Variants in PRKG1 observed in about 807,000 individuals in gnomAD.
PRKG1 encodes cGMP-dependent protein kinase 1.
Under a neutral mutation model 88.1 loss-of-function variants are expected in PRKG1, and 35 were observed. The observed-to-expected ratio is 0.40, with a 90% CI of 0.30 to 0.53. PRKG1 has a LOEUF of 0.53. Among genes scored for constraint, PRKG1 ranks in the 20% least tolerant of loss-of-function variants. The pLI is 0.59. For synonymous variants in PRKG1, 303 were observed against 292.5 expected (o/e 1.04, Z -0.37); for missense variants, 540 against 839.8 (o/e 0.64, Z 4.41).
Position 51,235,590 on chromosome 10 carries a change from A to C in PRKG1, c.478+82260A>C, listed in dbSNP as rs557692352. Among the ~76,000 whole-genome samples the C allele has an allele frequency of 8.5e-5, 13 of 152,300 alleles. No individual in the cohort carries two copies. The East Asian group carries it at 2.1e-3, about 25-fold the overall frequency. ...CATTCCTCCACAAGACCTCTTCCAA[A>C]ATCTTATGATGACTTTTTAATTTAT... On this transcript the variant is annotated intron_variant, in intron 2 of 17. Transcript: ENST00000373980.
chr10:52,036,682 T>C (rs1470107317), intron 5 of PRKG1, among the ~76,000 whole-genome samples: 16 of 151,978 alleles, frequency 1.1e-4, no homozygotes, highest in African/African-American at 3.1e-4. Flanking sequence ...CAATGAGATA[T>C]AGCTGTAGTC....
At chr10:51,576,604 C>T (rs1278095458) in intron 3 of PRKG1, among the ~76,000 whole-genome samples, 3 of 151,722 alleles carry the variant, frequency 2.0e-5, no homozygotes, top group Admixed American at 6.6e-5. Flanking sequence ...AAGGACATAC[C>T]CATTTTATGT....
chr10:51,817,814 T>G (rs930928909), intron 4 of PRKG1, among the ~76,000 whole-genome samples: 2 of 152,230 alleles, frequency 1.3e-5, no homozygotes, highest in African/African-American at 4.8e-5. Context: ...AATATTATTC[T>G]AAATGACATT....
At chr10:51,447,054 G>A (rs1011253212) in intron 2 of PRKG1, among the ~76,000 whole-genome samples, 44 of 152,124 alleles carry the variant, frequency 2.9e-4, no homozygotes, top group Middle Eastern at 6.8e-3. Flanking sequence ...TAAAAGTAAT[G>A]TAGCACATAT....
At chr10:52,048,983 G>A (rs749392867) in intron 5 of PRKG1, among the ~76,000 whole-genome samples, 2 of 152,096 alleles carry the variant, frequency 1.3e-5, no homozygotes, top group African/African-American at 2.4e-5. Context: ...CAGGTAACGG[G>A]GGGAGGAGTC....
intron 4 of PRKG1, among the ~76,000 whole-genome samples, chr10:51,839,529 G>A (rs1223820887): frequency 6.6e-6 from 1 of 152,178 alleles, no homozygotes; most frequent in Non-Finnish European, 1.5e-5. Flanking sequence ...TTTTGCATAT[G>A]GGTAATATTT....
intron 3 of PRKG1, among the ~76,000 whole-genome samples, chr10:51,525,266 GA>G (rs1276864348): frequency 1.3e-5 from 2 of 150,008 alleles, no homozygotes; most frequent in African/African-American, 2.5e-5. Context: ...GGGAAGGAAG[GA>G]AAAAAAGGAA....
chr10:51,667,534 G>A (rs907692427), intron 3 of PRKG1, among the ~76,000 whole-genome samples: 1 of 151,972 alleles, frequency 6.6e-6, no homozygotes, highest in East Asian at 1.9e-4. Flanking sequence ...GAAAAAATAA[G>A]AGGTGACATT....
chr10:51,252,500 C>T (rs1421107070), intron 2 of PRKG1, among the ~76,000 whole-genome samples: 1 of 151,686 alleles, frequency 6.6e-6, no homozygotes, highest in Non-Finnish European at 1.5e-5. Context: ...GCAGAGACTT[C>T]TTACTTTATT....
chr10:51,127,565 C>T (rs1240616789), intron 1 of PRKG1, among the ~76,000 whole-genome samples: 1 of 152,124 alleles, frequency 6.6e-6, no homozygotes, highest in East Asian at 1.9e-4. Flanking sequence ...CCTCAAGAAT[C>T]TAGAACCAGC....
chr10:51,790,232 T>C (rs930089956), intron 3 of PRKG1, among the ~76,000 whole-genome samples: 16 of 152,318 alleles, frequency 1.1e-4, no homozygotes, highest in African/African-American at 3.1e-4. Flanking sequence ...GTTGCATGAC[T>C]ACTCTAAACT....
At chr10:52,072,311 G>T (rs1846522575) in intron 7 of PRKG1, among the ~76,000 whole-genome samples, 1 of 151,670 alleles carries the variant, frequency 6.6e-6, no homozygotes, top group Non-Finnish European at 1.5e-5. Flanking sequence ...TATTTCTGTT[G>T]TTCTGGATTT....
chr10:52,034,625 A>G (rs185775710), intron 5 of PRKG1, among the ~76,000 whole-genome samples: 7,267 of 151,326 alleles, frequency 0.048, 605 homozygotes, highest in East Asian at 0.43. Context: ...TCAAGAGTTA[A>G]GAGTGGCAGT....
chr10:51,313,806 T>C (rs1329343707), intron 2 of PRKG1, among the ~76,000 whole-genome samples: 2 of 152,238 alleles, frequency 1.3e-5, no homozygotes, highest in Non-Finnish European at 2.9e-5. Flanking sequence ...AGGTTACTTA[T>C]AATACCAAAT....
At chr10:51,943,295 A>G (rs1842951224) in intron 5 of PRKG1, among the ~76,000 whole-genome samples, 1 of 151,832 alleles carries the variant, frequency 6.6e-6, no homozygotes, top group African/African-American at 2.4e-5. Flanking sequence ...ATTTTTGTAC[A>G]TTGATTTTGT....
chr10:51,647,338 A>G (rs145371145), intron 3 of PRKG1, among the ~76,000 whole-genome samples: 1 of 152,266 alleles, frequency 6.6e-6, no homozygotes, highest in African/African-American at 2.4e-5. Context: ...AATTGAGACA[A>G]AAAGACTCAC....
At chr10:51,722,183 C>T (rs10999084) in intron 3 of PRKG1, among the ~76,000 whole-genome samples, 11,751 of 151,394 alleles carry the variant, frequency 0.078, 498 homozygotes, top group East Asian at 0.092. Context: ...GAGCCGAGAT[C>T]GTGCCACTGC....
intron 7 of PRKG1, among the ~76,000 whole-genome samples, chr10:52,126,319 T>A (rs1364615765): frequency 6.6e-6 from 1 of 152,174 alleles, no homozygotes; most frequent in Non-Finnish European, 1.5e-5. Flanking sequence ...ATTATTATTA[T>A]ATTCATGGGA....
At chr10:51,859,605 C>T (rs1366413575) in intron 4 of PRKG1, among the ~76,000 whole-genome samples, 4 of 152,032 alleles carry the variant, frequency 2.6e-5, no homozygotes, top group African/African-American at 7.3e-5. Context: ...AACACTCTAC[C>T]ACAGATATTC....
Sources: allele counts gnomAD v4.1 joint callset (sites outside exome capture counted in the v4.1 genomes callset), GRCh38; gene constraint gnomAD v4.1.1; transcripts MANE v1.5; gene names NCBI Gene and HGNC (gene_info 2026-07-23, HGNC 2026-07-21).